NCKAP5: variants seen among roughly 807,000 people sequenced by gnomAD.
The protein encoded by NCKAP5 is nck-associated protein 5.
A neutral mutation model predicts 167.0 loss-of-function variants in NCKAP5; 92 were observed. The ratio of observed to expected loss-of-function variants is 0.55; its 90% CI spans 0.47 to 0.66. The LOEUF (loss-of-function observed/expected upper bound fraction) is 0.66, where lower values mean the gene tolerates loss of function less well. Among genes scored for constraint, NCKAP5 ranks in the 30% least tolerant of loss-of-function variants. The pLI is 0.00. For synonymous variants in NCKAP5, 891 were observed against 877.4 expected, an observed-to-expected ratio of 1.02 and a Z score of -0.27; for missense variants, 2,378 against 2,315.0, an observed-to-expected ratio of 1.03 and a Z score of -0.56.
chr2:133,044,131 T>A (rs538389103), intron 6 of NCKAP5, among the ~76,000 whole-genome samples: 1 of 152,260 alleles, frequency 6.6e-6, no homozygotes, highest in African/African-American at 2.4e-5. Context: ...TATTCACAAA[T>A]ATATAAAAAG....
intron 12 of NCKAP5, among the ~76,000 whole-genome samples, chr2:132,793,223 G>A (rs1182465172): frequency 1.3e-5 from 2 of 152,158 alleles, no homozygotes; most frequent in Non-Finnish European, 2.9e-5. Flanking sequence ...TGGTCAGGCT[G>A]GTCTCAAACC....
At chr2:133,357,214 T>C (rs1559412694) in intron 3 of NCKAP5, among the ~76,000 whole-genome samples, 3 of 151,978 alleles carry the variant, frequency 2.0e-5, no homozygotes, top group Admixed American at 2.0e-4. Flanking sequence ...AATATTGTTC[T>C]ATTTCTTGTA....
At chr2:133,059,441 C>T (rs1037362973) in intron 6 of NCKAP5, among the ~76,000 whole-genome samples, 2 of 151,990 alleles carry the variant, frequency 1.3e-5, no homozygotes, top group African/African-American at 4.8e-5. Context: ...CTTTGGGAGG[C>T]TGAGGTGGGC....
At chr2:133,250,869 G>A (rs543360430) in intron 4 of NCKAP5, among the ~76,000 whole-genome samples, 33 of 152,264 alleles carry the variant, frequency 2.2e-4, no homozygotes, top group African/African-American at 7.5e-4. Context: ...GGTTGAGGCT[G>A]CAGTGAGCCT....
chr2:132,750,030 G>A (rs192835950), intron 16 of NCKAP5, among the ~76,000 whole-genome samples: 4 of 152,284 alleles, frequency 2.6e-5, no homozygotes, highest in African/African-American at 7.2e-5. Context: ...TGACGCAAAG[G>A]TTTGTTTAGT....
chr2:133,246,472 C>A (rs2087998344), intron 4 of NCKAP5, among the ~76,000 whole-genome samples: 1 of 152,074 alleles, frequency 6.6e-6, no homozygotes, highest in South Asian at 2.1e-4. Flanking sequence ...CACCACAGTG[C>A]CCTACACAGA....
chr2:132,753,010 C>T (rs1680242437), intron 16 of NCKAP5, among the ~76,000 whole-genome samples: 1 of 152,212 alleles, frequency 6.6e-6, no homozygotes, highest in African/African-American at 2.4e-5. Context: ...AGGCCCACCA[C>T]ATAAGAAGGC....
intron 5 of NCKAP5, among the ~76,000 whole-genome samples, chr2:133,179,591 A>G (rs1159681721): frequency 6.6e-6 from 1 of 152,244 alleles, no homozygotes; most frequent in Non-Finnish European, 1.5e-5. Context: ...AGTAATGAAC[A>G]TGTTTAACAA....
intron 2 of NCKAP5, among the ~76,000 whole-genome samples, chr2:133,520,770 A>C (rs1029636274): frequency 6.6e-6 from 1 of 152,184 alleles, no homozygotes; most frequent in African/African-American, 2.4e-5. Flanking sequence ...TTCTTTTCAT[A>C]TTAATGGTAC....
rs761028751 is a variant in NCKAP5, at chr2:132,796,719, G to A, written c.818C>T (p.Ser273Leu). 5 of 1,610,396 alleles carry A rather than the reference G, an allele frequency of 3.1e-6. No homozygotes were observed. The highest frequency in any genetic ancestry group is 4.2e-6 in the Non-Finnish European group (5 of 1,177,434). The change falls in exon 12 of 20, where the codon TCA becomes TTA. Residue 273 changes from serine to leucine, a missense_variant. This residue lies in a region of NCKAP5 where 1,049 missense variants were observed against 1,023.4 expected (regional missense o/e 1.02). Transcript: ENST00000409261. ...TSDLLLQKLH[S>L]RLLDLSSGDL... ...TCCAGATGAAAGATCCAAGAGACGTGAGTGAAGTTTCTAGGTAAAACCAAG... is the reference window on the plus strand; with the variant it reads ...TCCAGATGAAAGATCCAAGAGACGTAAGTGAAGTTTCTAGGTAAAACCAAG...
intron 6 of NCKAP5, among the ~76,000 whole-genome samples, chr2:133,077,635 G>A (rs992434394): frequency 1.3e-5 from 2 of 152,076 alleles, no homozygotes. Flanking sequence ...TGTATCCTTC[G>A]AAACACAGTG....
the NCKAP5 span, among the ~76,000 whole-genome samples, chr2:133,659,442 T>C: frequency 6.6e-6 from 1 of 152,182 alleles, no homozygotes; most frequent in Admixed American, 6.5e-5. Context: ...CGAAGAACTT[T>C]TATTTTTAGA....
chr2:133,098,138 C>T (rs1446291269), intron 6 of NCKAP5, among the ~76,000 whole-genome samples: 2 of 152,044 alleles, frequency 1.3e-5, no homozygotes, highest in Admixed American at 1.3e-4. Flanking sequence ...AAGATGAAAC[C>T]GAAAGTGCCT....
intron 4 of NCKAP5, among the ~76,000 whole-genome samples, chr2:133,290,728 C>CTTTTTTTTTTTTTTTTTTT (rs58758295): frequency 1.3e-3 from 112 of 89,322 alleles, no homozygotes; most frequent in Non-Finnish European, 1.6e-3. Flanking sequence ...AGAATTTCTC[C>CTTTTTTTTTTTTTTTTTTT]TTTTTTTTTT....
At chr2:133,446,912 G>C in intron 3 of NCKAP5, among the ~76,000 whole-genome samples, 1 of 152,010 alleles carries the variant, frequency 6.6e-6, no homozygotes, top group Admixed American at 6.6e-5. Flanking sequence ...GGAAAGAGGA[G>C]GAATCAGAGA....
chr2:133,318,875 G>A (rs542665484), intron 3 of NCKAP5, among the ~76,000 whole-genome samples: 28 of 152,228 alleles, frequency 1.8e-4, no homozygotes, highest in East Asian at 1.9e-4. Context: ...ACTTCACAAA[G>A]ACACATTATC....
At chr2:132,675,347 C>G (rs992848479) in intron 19 of NCKAP5, among the ~76,000 whole-genome samples, 1 of 152,206 alleles carries the variant, frequency 6.6e-6, no homozygotes, top group African/African-American at 2.4e-5. Context: ...ATCTTTATTT[C>G]AGGACTGCAA....
chr2:132,964,252 G>T (rs142519699), intron 7 of NCKAP5, among the ~76,000 whole-genome samples: 121 of 152,292 alleles, frequency 7.9e-4, no homozygotes, highest in African/African-American at 2.7e-3. Context: ...AGCTCCTCAA[G>T]ATAGGGTCAT....
chr2:133,536,040 C>A lies in NCKAP5; in HGVS notation c.-61-18453G>T, dbSNP rs1685739557. 2.0e-5 allele frequency among the ~76,000 whole-genome samples: 3 copies of A among 152,054 alleles called. No homozygotes were observed. The South Asian group carries it at 6.2e-4, about 32-fold the overall frequency. On this transcript the variant is annotated intron_variant, in intron 2 of 19. Coordinates refer to ENST00000409261, the MANE Select transcript of NCKAP5 (RefSeq NM_207363.3). ...TCCTTGTAGACTCTGGATATTAGTCCTTTGTCAGATGCATAGCTTGCAAAT... is the reference window on the plus strand; with the variant it reads ...TCCTTGTAGACTCTGGATATTAGTCATTTGTCAGATGCATAGCTTGCAAAT...
Sources: gnomAD v4.1 joint callset for allele counts (sites outside exome capture counted in the v4.1 genomes callset) on GRCh38, gnomAD v4.1.1 for gene constraint, gnomAD v4.1.1 regional missense constraint, MANE v1.5 for transcripts, NCBI Gene and HGNC (gene_info 2026-07-23, HGNC 2026-07-21) for gene names.